The following SHTN1 variants were observed in gnomAD, a reference collection of about 807,000 sequenced individuals.
The protein encoded by SHTN1 is shootin 1.
In SHTN1, 42 loss-of-function variants were observed where a neutral mutation model predicts 83.1. That is an observed-to-expected ratio of 0.51 (90% CI 0.39 to 0.65). The LOEUF (loss-of-function observed/expected upper bound fraction) is 0.65, where lower values mean the gene tolerates loss of function less well. Ranked by LOEUF, SHTN1 falls within the 30% of genes least tolerant of loss-of-function variation. The pLI is 0.00. For synonymous variants in SHTN1, 224 were observed against 247.7 expected (o/e 0.90, Z 0.90); for missense variants, 622 against 737.8 (o/e 0.84, Z 1.82).
chr10:116,938,791 T>C (rs1362872885), intron 9 of SHTN1, among the ~76,000 whole-genome samples: 3 of 152,220 alleles, frequency 2.0e-5, no homozygotes, highest in African/African-American at 7.2e-5. Context: ...AGGTTCTCTG[T>C]CCCAGGGAGA....
At chr10:117,099,795 T>C (rs1468994510) in intron 1 of SHTN1, among the ~76,000 whole-genome samples, 1 of 152,108 alleles carries the variant, frequency 6.6e-6, no homozygotes, top group East Asian at 1.9e-4. Context: ...AATCCAAAGT[T>C]TTCCCCTTAC....
chr10:117,065,172 G>C (rs1852958171), intron 1 of SHTN1, among the ~76,000 whole-genome samples: 1 of 152,064 alleles, frequency 6.6e-6, no homozygotes, highest in Non-Finnish European at 1.5e-5. Flanking sequence ...TGGGGGCAAG[G>C]GGAAGGAGAG....
chr10:116,953,629 T>TTG (rs1390280055), intron 5 of SHTN1, among the ~76,000 whole-genome samples: 5 of 137,482 alleles, frequency 3.6e-5, no homozygotes, highest in East Asian at 2.1e-4. Flanking sequence ...TTTTGTTTTT[T>TTG]TTTTTTTTTT....
intron 2 of SHTN1, among the ~76,000 whole-genome samples, chr10:117,038,904 A>G (rs568981416): frequency 2.6e-5 from 4 of 152,354 alleles, no homozygotes; most frequent in African/African-American, 9.6e-5. Flanking sequence ...AGAATGCAAA[A>G]TAATACAGCC....
rs191545873 is a variant in SHTN1 at position 117,065,852 on chromosome 10, G to A, written c.-188-17342C>T. On this transcript the variant is annotated intron_variant, in intron 1 of 17. Coordinates refer to the SHTN1 transcript ENST00000392901. ...AGGAAGGAAGGAAGGAAGGAAGGAA[G>A]GAAAGGAGGGAGGGAGGGAGGGAGG... 3.9e-3 allele frequency among the ~76,000 whole-genome samples: 272 copies of A among 68,878 alleles called. 13 individuals are homozygous for A. The East Asian group carries it at 0.048, about 12-fold the overall frequency. The allele number at this position is 68,878 out of a possible 152,430, so 45.2% of individuals were successfully genotyped here.
At chr10:116,912,804 TA>T (rs1411873579) in intron 13 of SHTN1, among the ~76,000 whole-genome samples, 1 of 151,962 alleles carries the variant, frequency 6.6e-6, no homozygotes, top group Admixed American at 6.6e-5. Context: ...GGAAAAGAGG[TA>T]AGGTTATATT....
chr10:117,085,080 A>G (rs1327497076), intron 1 of SHTN1, among the ~76,000 whole-genome samples: 2 of 152,112 alleles, frequency 1.3e-5, no homozygotes, highest in Non-Finnish European at 2.9e-5. Flanking sequence ...TGTGAATTTT[A>G]ATAAACTTCA....
intron 2 of SHTN1, 50 bp from the exon 3 acceptor site, chr10:116,968,762 G>T (rs750090110): frequency 6.9e-7 from 1 of 1,448,790 alleles, no homozygotes; most frequent in South Asian, 1.2e-5. Flanking sequence ...TAAATTTTAA[G>T]TTTGAAAAGG....
chr10:117,120,057 G>A (rs902956020), intron 1 of SHTN1, among the ~76,000 whole-genome samples: 3 of 151,916 alleles, frequency 2.0e-5, no homozygotes, highest in Non-Finnish European at 4.4e-5. Context: ...CAGTGGGGCA[G>A]GTAAGGATGG....
At chr10:117,078,929 G>C (rs994933250) in intron 1 of SHTN1, among the ~76,000 whole-genome samples, 2 of 151,922 alleles carry the variant, frequency 1.3e-5, no homozygotes, top group Admixed American at 6.6e-5. Context: ...TCCTTACAAT[G>C]TCCATTAGAT....
chr10:116,954,398 G>A (rs1849899638), intron 4 of SHTN1, among the ~76,000 whole-genome samples, 188 bp from the exon 5 acceptor site: 2 of 152,076 alleles, frequency 1.3e-5, no homozygotes, highest in African/African-American at 4.8e-5. Flanking sequence ...AAGATCTGAT[G>A]TCTGGATTAC....
chr10:116,952,048 T>A lies in SHTN1; in HGVS notation c.437-42A>T, dbSNP rs1434918234. The stretch of plus-strand genomic sequence containing the variant: ...AAAAAATATATAAATAAACTTATTT[T>A]TAAAATAAGAAATCAATCTGGTCAA... On this transcript the variant is annotated intron_variant, in intron 5 of 16. Transcript: ENST00000355371. 3.8e-6 allele frequency: 4 copies of A among 1,042,666 alleles called. No homozygotes were observed. The Admixed American group carries it at 1.2e-4, about 31-fold the overall frequency. The allele number at this position is 1,042,666 out of a possible 1,614,324, so 64.6% of individuals were successfully genotyped here.
At chr10:117,047,758 C>CA (rs11411347) in intron 2 of SHTN1, among the ~76,000 whole-genome samples, 90,617 of 138,148 alleles carry the variant, frequency 0.66, 32,346 homozygotes, top group Middle Eastern at 0.83. Context: ...ACATAAAGAC[C>CA]AAAAAAAAAA....
chr10:117,077,723 G>A (rs1203421528), intron 1 of SHTN1, among the ~76,000 whole-genome samples: 3 of 151,904 alleles, frequency 2.0e-5, no homozygotes, highest in Admixed American at 1.3e-4. Context: ...GTGAGAACAT[G>A]CGGTGTTTGG....
At chr10:116,914,246 G>T (rs1423202059) in intron 13 of SHTN1, among the ~76,000 whole-genome samples, 1 of 152,096 alleles carries the variant, frequency 6.6e-6, no homozygotes, top group African/African-American at 2.4e-5. Context: ...GGCCAAGGTG[G>T]ACAGATCATG....
chr10:117,041,190 T>C (rs1010177894), intron 2 of SHTN1, among the ~76,000 whole-genome samples: 1 of 151,834 alleles, frequency 6.6e-6, no homozygotes, highest in Non-Finnish European at 1.5e-5. Flanking sequence ...ACAAGGCCTG[T>C]TTCTCTAAGT....
intron 3 of SHTN1, among the ~76,000 whole-genome samples, chr10:116,961,145 CA>C (rs1430474343): frequency 6.6e-6 from 1 of 151,712 alleles, no homozygotes; most frequent in East Asian, 1.9e-4. Context: ...AAAGGACACC[CA>C]AATGTGAAAC....
intron 1 of SHTN1, among the ~76,000 whole-genome samples, chr10:117,122,227 T>G (rs1853940138): frequency 6.6e-6 from 1 of 152,182 alleles, no homozygotes; most frequent in African/African-American, 2.4e-5. Flanking sequence ...CAGGCTGGAG[T>G]GCAGTAGCAT....
intron 1 of SHTN1, among the ~76,000 whole-genome samples, chr10:117,087,179 G>T (rs1489541942): frequency 1.2e-4 from 5 of 41,620 alleles, no homozygotes; most frequent in Non-Finnish European, 8.3e-5. Context: ...GAGTGACGAA[G>T]AATTTCTGTA....
Sources: gnomAD v4.1 joint callset for allele counts (sites outside exome capture counted in the v4.1 genomes callset) on GRCh38, gnomAD v4.1.1 for gene constraint, MANE v1.5 for transcripts, NCBI Gene and HGNC (gene_info 2026-07-23, HGNC 2026-07-21) for gene names.